Variants in ABLIM2 observed in about 807,000 individuals in gnomAD.
ABLIM2 encodes actin-binding LIM protein 2.
ABLIM2 carries 53 observed loss-of-function variants against 97.7 expected under a neutral mutation model. That is an observed-to-expected ratio of 0.54 (90% CI 0.44 to 0.68). The LOEUF (loss-of-function observed/expected upper bound fraction) is 0.68, where lower values mean the gene tolerates loss of function less well. ABLIM2 is among the 30% of genes least tolerant of loss of function. The pLI is 0.00. For synonymous variants in ABLIM2, 361 were observed against 345.8 expected, an observed-to-expected ratio of 1.04 and a Z score of -0.49; for missense variants, 835 against 867.2, an observed-to-expected ratio of 0.96 and a Z score of 0.47.
At chr4:8,099,813 C>A (rs1373632311) in intron 2 of ABLIM2, among the ~76,000 whole-genome samples, 1 of 152,112 alleles carries the variant, frequency 6.6e-6, no homozygotes, top group Admixed American at 6.5e-5. Context: ...CCACTGCACT[C>A]CAGCCTGGGT....
chr4:8,122,223 C>A lies in ABLIM2; in HGVS notation c.11-15586G>T, dbSNP rs1420427092. On this transcript the variant is annotated intron_variant, in intron 1 of 20. Transcript: ENST00000447017. The surrounding 1 kb of genome is among the most constrained non-coding windows in gnomAD (Gnocchi z 4.1). The stretch of plus-strand genomic sequence containing the variant: ...AGCCTGGATGGGGAGTCTCGCTGCC[C>A]CCTGTGCATCTCCATCATATCCGAA... Among the ~76,000 whole-genome samples the A allele has an allele frequency of 6.6e-6, 1 of 152,160 alleles. No individual in the cohort carries two copies. Among genetic ancestry groups the A allele is most frequent in the African/African-American group, 2.4e-5 (1 of 41,438 alleles).
intron 17 of ABLIM2, among the ~76,000 whole-genome samples, chr4:7,985,498 G>A (rs1404750131): frequency 2.0e-5 from 3 of 152,092 alleles, no homozygotes; most frequent in East Asian, 1.9e-4. Flanking sequence ...AGAGCTACGC[G>A]GACGCACGTG....
At chr4:7,989,241 G>C (rs1374193605) in intron 17 of ABLIM2, among the ~76,000 whole-genome samples, 1 of 152,008 alleles carries the variant, frequency 6.6e-6, no homozygotes, top group Non-Finnish European at 1.5e-5. Context: ...ACCATGACTG[G>C]CTAATTTTTC....
rs1852203730 is a variant in ABLIM2 at position 8,148,601 on chromosome 4, T to A, written c.10+10079A>T. Among the ~76,000 whole-genome samples the A allele has an allele frequency of 8.6e-6, 1 of 116,586 alleles. No homozygotes were observed. The allele number at this position is 116,586 out of a possible 152,430, so 76.5% of individuals were successfully genotyped here. ...GTAAGGATTATAGGGTGAAAGCACATCGCGGTGCTGGGTCCACACTGGGGA... is the reference window on the plus strand; with the variant it reads ...GTAAGGATTATAGGGTGAAAGCACAACGCGGTGCTGGGTCCACACTGGGGA... On this transcript the variant is annotated intron_variant, in intron 1 of 20. Coordinates refer to ENST00000447017, the MANE Select transcript of ABLIM2 (RefSeq NM_001130083.2). This position sits in a 1 kb window ranked among gnomAD's most constrained non-coding sequence, Gnocchi z 6.7.
intron 18 of ABLIM2, 117 bp downstream of exon 18, chr4:7,984,722 C>G (rs565370124): frequency 2.2e-5 from 25 of 1,162,390 alleles, no homozygotes; most frequent in Non-Finnish European, 3.0e-5. Flanking sequence ...TGTCCCCGCC[C>G]GGCACTCCCG....
Position 8,071,994 on chromosome 4 carries a change from C to G in ABLIM2, c.675+5634G>C, listed in dbSNP as rs2152336319. 1 of 985,508 alleles carries G rather than the reference C, an allele frequency of 1.0e-6. No individual in the cohort carries two copies. Among genetic ancestry groups the G allele is most frequent in the East Asian group, 1.1e-4 (1 of 8,796 alleles). The allele number at this position is 985,508 out of a possible 1,614,324, so 61.0% of individuals were successfully genotyped here. On this transcript the variant is annotated intron_variant, in intron 6 of 20. Transcript: ENST00000447017. This position sits in a 1 kb window ranked among gnomAD's most constrained non-coding sequence, Gnocchi z 6.2. ...GGCGGCAGCTCCCCTTCTGCGGAGC[C>G]AGGCTTGTCCCCGCCCGCAGTTCCC...
chr4:8,029,834 TC>T, intron 10 of ABLIM2, 58 bp from the exon 11 acceptor site: 2 of 1,532,956 alleles, frequency 1.3e-6, no homozygotes, highest in Non-Finnish European at 1.8e-6. Flanking sequence ...CCACCCCTTG[TC>T]CACCCATCCC....
Position 8,071,930 on chromosome 4 carries a change from C to G in ABLIM2, c.675+5698G>C. 1 of 985,436 alleles carries G rather than the reference C, an allele frequency of 1.0e-6. No homozygotes were observed. 61.0% of individuals were successfully genotyped at this position (985,436 alleles called of 1,614,324 possible). ...AGTCCACTGTCACCCAGCGGGGCAC[C>G]GGCACACTGGGCCGAGCATCAGGCA... On this transcript the variant is annotated intron_variant, in intron 6 of 20. Coordinates refer to ENST00000447017, the MANE Select transcript of ABLIM2 (RefSeq NM_001130083.2). The surrounding 1 kb of genome is among the most constrained non-coding windows in gnomAD (Gnocchi z 6.2).
chr4:8,153,255 C>T (rs914057428), intron 1 of ABLIM2, among the ~76,000 whole-genome samples: 38 of 152,306 alleles, frequency 2.5e-4, no homozygotes, highest in African/African-American at 8.9e-4. Flanking sequence ...GGGACACACA[C>T]CTTTTTCTGG....
At position 8,140,150 on chromosome 4, in the gene ABLIM2, G is replaced by A. The variant is rs1242059968; in HGVS notation, c.10+18530C>T. Among the ~76,000 whole-genome samples the A allele has an allele frequency of 6.6e-6, 1 of 152,022 alleles. No homozygotes were observed. The highest frequency in any genetic ancestry group is 1.9e-4 in the East Asian group (1 of 5,196). ...TCAGGATAAATAGCTAATGCACGCA[G>A]GGCTCAATACCTTGGTGTGGGTTAA... On this transcript the variant is annotated intron_variant, in intron 1 of 20. Transcript: ENST00000447017. The surrounding 1 kb of genome is among the most constrained non-coding windows in gnomAD (Gnocchi z 5.9).
intron 20 of ABLIM2, 43 bp downstream of exon 20, chr4:7,983,221 C>A: frequency 6.4e-7 from 1 of 1,568,540 alleles, no homozygotes; most frequent in Non-Finnish European, 8.7e-7. Flanking sequence ...CGGGGACTCT[C>A]GCATGGGAAA....
In ABLIM2 at chr4:7,992,920, G is replaced by A; in HGVS notation, c.1626C>T (p.Pro542=). The change falls in exon 17 of 21, where the codon CCC becomes CCT. Residue 542 remains proline (P), a synonymous_variant. Coordinates refer to ENST00000447017, the MANE Select transcript of ABLIM2 (RefSeq NM_001130083.2). This position sits in a 1 kb window ranked among gnomAD's most constrained non-coding sequence, Gnocchi z 5.7. ...MAGDSFHSRF[P]YSKSDPLPGH... Reference sequence around the variant, plus strand: ...CTGGGAGAGGGTCAGATTTGGAATAGGGGAATCCTGAAACAGACACAGCAC... The same window carrying A: ...CTGGGAGAGGGTCAGATTTGGAATAAGGGAATCCTGAAACAGACACAGCAC... 6.2e-7 allele frequency: 1 copy of A among 1,612,986 alleles called. No individual in the cohort carries two copies. The highest frequency in any genetic ancestry group is 8.5e-7 in the Non-Finnish European group (1 of 1,179,742).
In ABLIM2 at chr4:8,023,843, A is replaced by G. The variant is rs978172341; in HGVS notation, c.1268-3540T>C. Among the ~76,000 whole-genome samples, 1 of 152,102 alleles carries G rather than the reference A, an allele frequency of 6.6e-6. No individual in the cohort carries two copies. Among genetic ancestry groups the G allele is most frequent in the Non-Finnish European group, 1.5e-5 (1 of 68,020 alleles). ...ACTCTAGTTTACAATCCAATGACAC[A>G]TCCTTCATCGTGGTGCTCCCAGTGG... On this transcript the variant is annotated intron_variant, in intron 12 of 20. Transcript: ENST00000447017. The surrounding 1 kb of genome is among the most constrained non-coding windows in gnomAD (Gnocchi z 5.7).
chr4:8,039,784 G>A (rs892101969), intron 9 of ABLIM2, among the ~76,000 whole-genome samples: 1 of 151,734 alleles, frequency 6.6e-6, no homozygotes, highest in African/African-American at 2.4e-5. Flanking sequence ...ACACAGAAGC[G>A]AGACCTGAAG....
At chr4:8,081,909 G>A (rs1416216932) in intron 4 of ABLIM2, among the ~76,000 whole-genome samples, 1 of 152,188 alleles carries the variant, frequency 6.6e-6, no homozygotes, top group Non-Finnish European at 1.5e-5. Flanking sequence ...ACCTGCACCT[G>A]TCATAGCTGA....
At chr4:8,086,256 T>A (rs1042402590) in intron 4 of ABLIM2, among the ~76,000 whole-genome samples, 1 of 147,506 alleles carries the variant, frequency 6.8e-6, no homozygotes, top group African/African-American at 2.5e-5. Flanking sequence ...GGGCACAGCC[T>A]TTCTGCCAAG....
intron 1 of ABLIM2, among the ~76,000 whole-genome samples, chr4:8,108,865 T>A (rs1838837745): frequency 6.6e-6 from 1 of 152,112 alleles, no homozygotes; most frequent in East Asian, 1.9e-4. Flanking sequence ...TAACGCCAGC[T>A]CCCCCTGTCT....
At position 8,149,855 on chromosome 4, in the gene ABLIM2, C is replaced by A. The variant is rs1712020938; in HGVS notation, c.10+8825G>T. Among the ~76,000 whole-genome samples the A allele has an allele frequency of 6.6e-6, 1 of 152,002 alleles. No individual in the cohort carries two copies. The highest frequency in any genetic ancestry group is 2.1e-4 in the South Asian group (1 of 4,820). On this transcript the variant is annotated intron_variant, in intron 1 of 20. Transcript: ENST00000447017. The surrounding 1 kb of genome is among the most constrained non-coding windows in gnomAD (Gnocchi z 6.4). ...ACAGGACGGGGCCTATGGAGTAAGA[C>A]CCCACACAGCCGGTCCCTCTGTGGG...
At chr4:8,119,683 T>G (rs1171266460) in intron 1 of ABLIM2, among the ~76,000 whole-genome samples, 1 of 152,214 alleles carries the variant, frequency 6.6e-6, no homozygotes, top group Admixed American at 6.5e-5. Flanking sequence ...TTCCATTTTC[T>G]TGATACTTTG....
Sources: allele counts gnomAD v4.1 joint callset (sites outside exome capture counted in the v4.1 genomes callset), GRCh38; gene constraint gnomAD v4.1.1; non-coding constraint Gnocchi (gnomAD v3.1); transcripts MANE v1.5; gene names NCBI Gene and HGNC (gene_info 2026-07-23, HGNC 2026-07-21).